DOCK7: variants seen among roughly 807,000 people sequenced by gnomAD.
The protein encoded by DOCK7 is dedicator of cytokinesis 7, also known as dedicator of cytokinesis protein 7.
Under a neutral mutation model 271.0 loss-of-function variants are expected in DOCK7, and 138 were observed. That is an observed-to-expected ratio of 0.51 (90% CI 0.44 to 0.59). The LOEUF is 0.59. Ranked by LOEUF, DOCK7 falls within the 20% of genes least tolerant of loss-of-function variation. DOCK7 has a pLI of 0.00. For missense variants in DOCK7, 2,066 were observed against 2,592.4 expected (o/e 0.80, Z 4.41); for synonymous variants, 823 against 876.1 (o/e 0.94, Z 1.07).
chr1:62,476,574 A>T (rs1478461219), intron 44 of DOCK7, among the ~76,000 whole-genome samples: 1 of 152,166 alleles, frequency 6.6e-6, no homozygotes, highest in Non-Finnish European at 1.5e-5. Context: ...ATGAATAAAC[A>T]TTCATTTTTA....
At chr1:62,680,025 T>C (rs1045467890) in intron 1 of DOCK7, among the ~76,000 whole-genome samples, 1 of 152,172 alleles carries the variant, frequency 6.6e-6, no homozygotes, top group Non-Finnish European at 1.5e-5. Context: ...TTCAGAGAAT[T>C]GGAAAAAACT....
At chr1:62,525,609 G>C (rs954999303) in intron 31 of DOCK7, among the ~76,000 whole-genome samples, 1 of 152,196 alleles carries the variant, frequency 6.6e-6, no homozygotes, top group Non-Finnish European at 1.5e-5. Context: ...AGATCAAATT[G>C]AGGAAGGCCA....
At chr1:62,646,513 G>C (rs1656684845) in intron 7 of DOCK7, among the ~76,000 whole-genome samples, 1 of 152,066 alleles carries the variant, frequency 6.6e-6, no homozygotes, top group East Asian at 1.9e-4. Context: ...TAATTCCATG[G>C]AACTGGTATC....
intron 1 of DOCK7, among the ~76,000 whole-genome samples, chr1:62,669,890 G>C (rs1308862429): frequency 6.6e-6 from 1 of 152,266 alleles, no homozygotes; most frequent in East Asian, 1.9e-4. Flanking sequence ...GGTGTGGAGG[G>C]AGAGACACGA....
intron 1 of DOCK7, among the ~76,000 whole-genome samples, chr1:62,665,678 T>G (rs1307698867): frequency 8.3e-6 from 1 of 121,056 alleles, no homozygotes; most frequent in Non-Finnish European, 1.6e-5. Context: ...ATTGCGCCAC[T>G]GCACTCCAGC....
intron 25 of DOCK7, among the ~76,000 whole-genome samples, chr1:62,540,123 C>T (rs528597577): frequency 6.7e-6 from 1 of 149,506 alleles, no homozygotes; most frequent in African/African-American, 2.5e-5. Context: ...AACAATAGGA[C>T]AAAAAAATTC....
intron 14 of DOCK7, among the ~76,000 whole-genome samples, chr1:62,593,863 T>G (rs2149516622): frequency 6.6e-6 from 1 of 152,174 alleles, no homozygotes; most frequent in African/African-American, 2.4e-5. Context: ...ACTATTGTAG[T>G]TAAAAAGGAA....
chr1:62,493,716 C>T (rs1336900940), intron 40 of DOCK7, among the ~76,000 whole-genome samples: 2 of 152,102 alleles, frequency 1.3e-5, no homozygotes, highest in African/African-American at 4.8e-5. Flanking sequence ...GAAGATATAA[C>T]ATTTAACTAA....
chr1:62,510,385 TACC>T (rs1644448339), intron 34 of DOCK7, among the ~76,000 whole-genome samples, 189 bp downstream of exon 34: 2 of 152,340 alleles, frequency 1.3e-5, no homozygotes, highest in Non-Finnish European at 2.9e-5. Context: ...TGCCTTACTA[TACC>T]ACGAGAAGTT....
At chr1:62,686,893 G>C (rs1362472092) in intron 1 of DOCK7, among the ~76,000 whole-genome samples, 1 of 144,430 alleles carries the variant, frequency 6.9e-6, no homozygotes. Context: ...AAAAAAAAAA[G>C]CCTCTGCCTC....
At chr1:62,597,649 C>G in intron 14 of DOCK7, 1 of 1,613,316 alleles carries the variant, frequency 6.2e-7, no homozygotes, top group Non-Finnish European at 8.5e-7. Flanking sequence ...TCATTTGATT[C>G]TCTATCTCCA....
chr1:62,497,482 T>C (rs185433488), intron 37 of DOCK7, among the ~76,000 whole-genome samples: 2 of 152,322 alleles, frequency 1.3e-5, no homozygotes, highest in East Asian at 1.9e-4. Flanking sequence ...AAAAAAGTGA[T>C]ACTATTCTTG....
chr1:62,545,109 A>G (rs1362842814), intron 22 of DOCK7, 70 bp from the exon 23 acceptor site: 7 of 1,356,928 alleles, frequency 5.2e-6, no homozygotes, highest in Non-Finnish European at 7.0e-6. Context: ...AATTATTCTT[A>G]AAGAAATTCA....
Position 62,551,683 on chromosome 1 carries a change from C to A in DOCK7, c.2766+1049G>T, listed in dbSNP as rs185859593. 2.0e-5 allele frequency among the ~76,000 whole-genome samples: 3 copies of A among 151,778 alleles called. No individual in the cohort carries two copies. In the East Asian group the frequency reaches 5.8e-4, roughly 29 times the overall value. Reference sequence around the variant, plus strand: ...AGGAAGGTAGCTATCAAAAATTTTGCAATAAAAAGAAAACAACATAAAAAC... The same window carrying A: ...AGGAAGGTAGCTATCAAAAATTTTGAAATAAAAAGAAAACAACATAAAAAC... On this transcript the variant is annotated intron_variant, in intron 22 of 49. Coordinates refer to ENST00000635253, the MANE Select transcript of DOCK7 (RefSeq NM_001367561.1).
chr1:62,632,153 C>A (rs1325581538), intron 10 of DOCK7, among the ~76,000 whole-genome samples: 1 of 152,150 alleles, frequency 6.6e-6, no homozygotes, highest in Non-Finnish European at 1.5e-5. Flanking sequence ...TGACAGTGTC[C>A]TACCTTGGGA....
At chr1:62,604,968 A>G (rs1245673555) in intron 14 of DOCK7, 7 of 729,408 alleles carry the variant, frequency 9.6e-6, no homozygotes, top group Non-Finnish European at 1.6e-5. Flanking sequence ...TTAAACATAC[A>G]ATCACATAAC....
chr1:62,582,549 CAAAAAAAAAAAAAAAAAA>C (rs34110232), intron 16 of DOCK7, among the ~76,000 whole-genome samples: 2 of 16,862 alleles, frequency 1.2e-4, no homozygotes, highest in Non-Finnish European at 2.6e-4. Context: ...GACTCCGTCT[CAAAAAAAAAAAAAAAAAA>C]AAAAAAAAAA....
At chr1:62,521,098 G>A (rs1394674808) in intron 31 of DOCK7, among the ~76,000 whole-genome samples, 1 of 150,204 alleles carries the variant, frequency 6.7e-6, no homozygotes, top group Non-Finnish European at 1.5e-5. Flanking sequence ...ACTGGGGCCT[G>A]TCAGGGGGTA....
chr1:62,641,128 G>A (rs1655970019), intron 7 of DOCK7: 1 of 296,606 alleles, frequency 3.4e-6, no homozygotes, highest in Non-Finnish European at 6.6e-6. Flanking sequence ...CAGACCAGGA[G>A]TCCATGGCTC....
Sources: allele counts gnomAD v4.1 joint callset (sites outside exome capture counted in the v4.1 genomes callset), GRCh38; gene constraint gnomAD v4.1.1; transcripts MANE v1.5; gene names NCBI Gene and HGNC (gene_info 2026-07-23, HGNC 2026-07-21).